The following CTNNA2 variants were observed in gnomAD, a reference collection of about 807,000 sequenced individuals.
CTNNA2 encodes catenin alpha 2, also known as catenin alpha-2.
CTNNA2 carries 42 observed loss-of-function variants against 101.0 expected under a neutral mutation model. That is an observed-to-expected ratio of 0.42 (90% CI 0.32 to 0.54). The LOEUF is 0.54. CTNNA2 is among the 20% of genes least tolerant of loss of function. The probability of loss-of-function intolerance (pLI) is 0.14; values close to 1 mark genes in which losing one functional copy is unlikely to be tolerated. For missense variants in CTNNA2, 871 were observed against 1,223.1 expected (o/e 0.71, Z 4.29); for synonymous variants, 450 against 456.4 (o/e 0.99, Z 0.18).
rs76135601 is a variant in CTNNA2 at position 79,435,247 on chromosome 2, C to G, written c.-135+61234C>G. On this transcript the variant is annotated intron_variant, in intron 4 of 21. Transcript: ENST00000466387. ...AAGTCACAGATCCCAGATTGCATTCCTTTTGTTTTCCTCACTGTTGAATAG... is the reference window on the plus strand; with the variant it reads ...AAGTCACAGATCCCAGATTGCATTCGTTTTGTTTTCCTCACTGTTGAATAG... Among the ~76,000 whole-genome samples the G allele has an allele frequency of 8.6e-3, 1,315 of 152,168 alleles. 13 individuals carry two copies. The highest frequency in any genetic ancestry group is 0.03 in the African/African-American group (1,244 of 41,522).
At chr2:80,591,222 A>G (rs937160582) in intron 15 of CTNNA2, among the ~76,000 whole-genome samples, 2 of 152,128 alleles carry the variant, frequency 1.3e-5, no homozygotes, top group Non-Finnish European at 2.9e-5. Flanking sequence ...AAGTGAGAAG[A>G]AGGTGTCTTC....
intron 9 of CTNNA2, among the ~76,000 whole-genome samples, chr2:80,458,848 C>T (rs1433756702): frequency 3.3e-5 from 5 of 152,136 alleles, no homozygotes; most frequent in Non-Finnish European, 1.5e-5. Context: ...CTCCCAACAA[C>T]TTTGATGTAT....
chr2:80,124,654 C>T (rs188200183), intron 7 of CTNNA2, among the ~76,000 whole-genome samples: 2 of 152,280 alleles, frequency 1.3e-5, no homozygotes, highest in East Asian at 3.9e-4. Flanking sequence ...GAACCAAATT[C>T]TGTTGCATCA....
intron 9 of CTNNA2, among the ~76,000 whole-genome samples, chr2:80,456,217 T>C (rs898158816): frequency 2.0e-5 from 3 of 152,204 alleles, no homozygotes; most frequent in African/African-American, 7.2e-5. Context: ...ACCCGGGTTG[T>C]AGACCAATGC....
intron 2 of CTNNA2, among the ~76,000 whole-genome samples, chr2:79,234,023 G>T (rs979117322): frequency 6.7e-6 from 1 of 148,220 alleles, no homozygotes; most frequent in African/African-American, 2.5e-5. Flanking sequence ...TTTTAAGTGG[G>T]GTGCTTAGAT....
At chr2:79,270,821 T>C (rs1573009053) in intron 2 of CTNNA2, among the ~76,000 whole-genome samples, 1 of 151,814 alleles carries the variant, frequency 6.6e-6, no homozygotes, top group Admixed American at 6.6e-5. Flanking sequence ...TGTGTTCCAT[T>C]AAGGGGGTTT....
At chr2:79,830,470 A>C (rs1262695431) in intron 3 of CTNNA2, among the ~76,000 whole-genome samples, 1 of 152,132 alleles carries the variant, frequency 6.6e-6, no homozygotes, top group Admixed American at 6.5e-5. Context: ...AGTGGGCTAA[A>C]AAAAATTTCA....
chr2:80,587,350 T>G (rs1696065571), intron 14 of CTNNA2, among the ~76,000 whole-genome samples: 1 of 152,160 alleles, frequency 6.6e-6, no homozygotes, highest in Non-Finnish European at 1.5e-5. Context: ...CTATAGCAAC[T>G]AAGAAATGAG....
At chr2:79,964,345 CTGA>C (rs1417242403) in intron 7 of CTNNA2, among the ~76,000 whole-genome samples, 1 of 151,898 alleles carries the variant, frequency 6.6e-6, no homozygotes, top group Non-Finnish European at 1.5e-5. Flanking sequence ...AAGGCACTTA[CTGA>C]TGATCTTCAC....
rs139426315 is a variant in CTNNA2, at chr2:80,026,786, A to G, written c.1056+116989A>G. Among the ~76,000 whole-genome samples the G allele has an allele frequency of 2.0e-5, 3 of 152,326 alleles. No homozygotes were observed. In the East Asian group the frequency reaches 5.8e-4, roughly 29 times the overall value. On this transcript the variant is annotated intron_variant, in intron 7 of 18. Coordinates refer to ENST00000402739, the MANE Select transcript of CTNNA2 (RefSeq NM_001282597.3). ...CTGAAATACTATTACAAATAAATCTATTCACTATTTAAAACAGTATTCTCA... is the reference window on the plus strand; with the variant it reads ...CTGAAATACTATTACAAATAAATCTGTTCACTATTTAAAACAGTATTCTCA...
At chr2:79,811,035 A>G (rs1016802043) in intron 3 of CTNNA2, among the ~76,000 whole-genome samples, 2 of 151,054 alleles carry the variant, frequency 1.3e-5, no homozygotes, top group Non-Finnish European at 2.9e-5. Flanking sequence ...TCCTTTGGGT[A>G]TATACCCAGT....
chr2:79,252,893 C>T (rs1674791792), intron 2 of CTNNA2, among the ~76,000 whole-genome samples: 4 of 151,970 alleles, frequency 2.6e-5, no homozygotes, highest in Admixed American at 2.6e-4. Context: ...AAAACCCATG[C>T]TTTTAATCAC....
chr2:80,344,645 C>T (rs927915634), intron 7 of CTNNA2, among the ~76,000 whole-genome samples: 13 of 152,154 alleles, frequency 8.5e-5, no homozygotes, highest in Non-Finnish European at 1.9e-4. Flanking sequence ...CCACCACGCC[C>T]AGCTATCTTT....
At chr2:79,483,286 C>T (rs997311664) in intron 4 of CTNNA2, among the ~76,000 whole-genome samples, 1 of 152,172 alleles carries the variant, frequency 6.6e-6, no homozygotes, top group Non-Finnish European at 1.5e-5. Context: ...GTGCCCTCGT[C>T]TATTGGTTAG....
intron 9 of CTNNA2, among the ~76,000 whole-genome samples, chr2:80,532,127 A>T (rs926220541): frequency 6.6e-6 from 1 of 152,182 alleles, no homozygotes; most frequent in Non-Finnish European, 1.5e-5. Context: ...GAGTTTAAGG[A>T]AAAAACTCCT....
chr2:80,468,246 C>T (rs541868685), intron 9 of CTNNA2, among the ~76,000 whole-genome samples: 1 of 152,166 alleles, frequency 6.6e-6, no homozygotes, highest in South Asian at 2.1e-4. Flanking sequence ...CAATTTAATA[C>T]CCACACAGTG....
chr2:80,147,522 A>G (rs967527575), intron 7 of CTNNA2, among the ~76,000 whole-genome samples: 7 of 152,186 alleles, frequency 4.6e-5, no homozygotes, highest in Non-Finnish European at 1.0e-4. Flanking sequence ...ACCACCCACG[A>G]TGAACTCCAA....
intron 9 of CTNNA2, among the ~76,000 whole-genome samples, chr2:80,514,056 T>A (rs1317884973): frequency 6.6e-6 from 1 of 152,346 alleles, no homozygotes; most frequent in African/African-American, 2.4e-5. Flanking sequence ...TGATTTAGAT[T>A]GATTTCCTAA....
intron 3 of CTNNA2, among the ~76,000 whole-genome samples, chr2:79,331,900 T>A (rs1676881595): frequency 6.6e-6 from 1 of 152,148 alleles, no homozygotes; most frequent in African/African-American, 2.4e-5. Context: ...AAAGATGGAT[T>A]TGATTGGGAT....
Sources: gnomAD v4.1 joint callset for allele counts (sites outside exome capture counted in the v4.1 genomes callset) on GRCh38, gnomAD v4.1.1 for gene constraint, MANE v1.5 for transcripts, NCBI Gene and HGNC (gene_info 2026-07-23, HGNC 2026-07-21) for gene names.